CORO2B: variants seen among roughly 807,000 people sequenced by gnomAD.
The protein encoded by CORO2B is coronin 2B.
A neutral mutation model predicts 58.8 loss-of-function variants in CORO2B; 26 were observed. The observed-to-expected ratio is 0.44, with a 90% CI of 0.32 to 0.61. The LOEUF is 0.61. CORO2B is among the 20% of genes least tolerant of loss of function. CORO2B has a pLI of 0.04. For missense variants in CORO2B, 460 were observed against 645.1 expected (o/e 0.71, Z 3.11); for synonymous variants, 242 against 253.8 (o/e 0.95, Z 0.44).
intron 1 of CORO2B, among the ~76,000 whole-genome samples, 160 bp from the exon 2 acceptor site, chr15:68,645,000 T>C (rs1901375150): frequency 6.6e-6 from 1 of 152,078 alleles, no homozygotes; most frequent in African/African-American, 2.4e-5. Context: ...TGCCCTGAAT[T>C]CTTGGATGCT....
At chr15:68,655,800 G>A (rs534151153) in intron 2 of CORO2B, among the ~76,000 whole-genome samples, 1 of 152,338 alleles carries the variant, frequency 6.6e-6, no homozygotes, top group East Asian at 1.9e-4. Flanking sequence ...CCCCTCAACA[G>A]GAGGCCAGGT....
At chr15:68,713,898 C>T (rs922083476) in intron 5 of CORO2B, 27 bp from the exon 6 acceptor site, 1 of 1,557,032 alleles carries the variant, frequency 6.4e-7, no homozygotes, top group Non-Finnish European at 8.9e-7. Context: ...GGGACCCTGG[C>T]TCACCACCTC....
Position 68,670,047 on chromosome 15 carries a change from ACT to A in CORO2B, c.216+24690_216+24691del, listed in dbSNP as rs367990570. On this transcript the variant is annotated intron_variant, in intron 2 of 11. Coordinates refer to ENST00000261861, the MANE Select transcript of CORO2B (RefSeq NM_006091.5). ...ACTCTAGCCTGGGTGACAGAGCAAG[ACT>A]CTGTCTCAGAAAAAAAAAAGGGGGG... Among the ~76,000 whole-genome samples the A allele has an allele frequency of 5.6e-3, 805 of 145,008 alleles. 3 individuals carry two copies. Among genetic ancestry groups the A allele is most frequent in the African/African-American group, 0.019 (765 of 39,538 alleles).
intron 2 of CORO2B, among the ~76,000 whole-genome samples, chr15:68,688,229 A>G (rs1270220475): frequency 6.6e-6 from 1 of 152,204 alleles, no homozygotes; most frequent in African/African-American, 2.4e-5. Context: ...ACAATTTTAT[A>G]TGTTTGTTAG....
chr15:68,611,132 A>G (rs1900239125), intron 1 of CORO2B, among the ~76,000 whole-genome samples: 2 of 152,346 alleles, frequency 1.3e-5, no homozygotes, highest in Admixed American at 1.3e-4. Flanking sequence ...AGTTCTCTAT[A>G]TGTACACGCA....
chr15:68,640,095 G>C (rs1901161578), intron 1 of CORO2B, among the ~76,000 whole-genome samples: 1 of 152,162 alleles, frequency 6.6e-6, no homozygotes, highest in Non-Finnish European at 1.5e-5. Context: ...CCATGCATCT[G>C]ACCTCACAGT....
At chr15:68,712,922 G>GGGGCC (rs1892953695) in intron 5 of CORO2B, among the ~76,000 whole-genome samples, 1 of 152,206 alleles carries the variant, frequency 6.6e-6, no homozygotes. Context: ...ATGGGGCCAT[G>GGGGCC]AGCCCAGGGA....
chr15:68,691,111 C>T (rs1258327095), intron 2 of CORO2B, among the ~76,000 whole-genome samples: 8 of 151,104 alleles, frequency 5.3e-5, no homozygotes, highest in South Asian at 2.1e-4. Context: ...GGGTGGATCA[C>T]GAGGTCAGGA....
chr15:68,616,698 T>TA, intron 1 of CORO2B: 1 of 872,722 alleles, frequency 1.1e-6, no homozygotes, highest in Non-Finnish European at 1.4e-6. Flanking sequence ...GGGCGAGGGC[T>TA]AGCGTTATCA....
intron 3 of CORO2B, among the ~76,000 whole-genome samples, chr15:68,699,343 C>T (rs867597195): frequency 6.6e-6 from 1 of 152,248 alleles, no homozygotes; most frequent in Middle Eastern, 3.4e-3. Flanking sequence ...CTACACGCTC[C>T]AGGGAACCAA....
chr15:68,658,499 G>A (rs1901903766), intron 2 of CORO2B, among the ~76,000 whole-genome samples: 1 of 152,262 alleles, frequency 6.6e-6, no homozygotes, highest in South Asian at 2.1e-4. Context: ...ATGCAGGGAA[G>A]AGTCTGGTTG....
chr15:68,688,897 C>A (rs1892288445), intron 2 of CORO2B, among the ~76,000 whole-genome samples: 2 of 152,180 alleles, frequency 1.3e-5, no homozygotes, highest in South Asian at 4.1e-4. Flanking sequence ...CTACTTCACA[C>A]TCCCACTCAT....
In CORO2B at chr15:68,649,069, A is replaced by G. The variant is rs62002137; in HGVS notation, c.216+3709A>G. On this transcript the variant is annotated intron_variant, in intron 2 of 11. Coordinates refer to ENST00000261861, the MANE Select transcript of CORO2B (RefSeq NM_006091.5). Reference sequence around the variant, plus strand: ...AAACGTTTCTAAACGCTTCCTCTCAATTTCTGTAATGGTAACAAAATGTTT... The same window carrying G: ...AAACGTTTCTAAACGCTTCCTCTCAGTTTCTGTAATGGTAACAAAATGTTT... Among the ~76,000 whole-genome samples the G allele has an allele frequency of 2.0e-3, 302 of 152,316 alleles. 1 individual carries two copies. Among genetic ancestry groups the G allele is most frequent in the Middle Eastern group, 0.01 (3 of 294 alleles).
At chr15:68,592,472 C>T (rs1002366704) in intron 1 of CORO2B, among the ~76,000 whole-genome samples, 1 of 152,080 alleles carries the variant, frequency 6.6e-6, no homozygotes, top group Admixed American at 6.5e-5. Flanking sequence ...AGAGAAACTT[C>T]TGGAGTGATG....
At chr15:68,575,931 G>A (rs996047431), upstream of CORO2B, among the ~76,000 whole-genome samples, 3 of 151,502 alleles carry the variant, frequency 2.0e-5, no homozygotes, top group Admixed American at 6.6e-5. Flanking sequence ...GAGGCGGGCA[G>A]GTCACAAGGT....
At chr15:68,599,468 C>T (rs546110176) in intron 1 of CORO2B, among the ~76,000 whole-genome samples, 2 of 152,328 alleles carry the variant, frequency 1.3e-5, no homozygotes, top group Admixed American at 6.5e-5. Flanking sequence ...TCTGTGCATG[C>T]GTCATAGCTT....
chr15:68,572,581 G>A, the CORO2B span, among the ~76,000 whole-genome samples: 854 of 152,252 alleles, frequency 5.6e-3, 7 homozygotes, highest in African/African-American at 0.019. Context: ...CAGAAGGGGT[G>A]TCAGAATACC....
chr15:68,627,045 G>C (rs971093055), intron 1 of CORO2B, among the ~76,000 whole-genome samples: 4 of 152,164 alleles, frequency 2.6e-5, no homozygotes, highest in African/African-American at 9.7e-5. Context: ...TCCTTAGCAA[G>C]GTACTTACCT....
At chr15:68,550,177 C>T in the CORO2B span, among the ~76,000 whole-genome samples, 1 of 151,980 alleles carries the variant, frequency 6.6e-6, no homozygotes, top group Non-Finnish European at 1.5e-5. Flanking sequence ...AACCCGCTTG[C>T]CTGGGGCGAA....
Sources: allele counts gnomAD v4.1 joint callset (sites outside exome capture counted in the v4.1 genomes callset), GRCh38; gene constraint gnomAD v4.1.1; transcripts MANE v1.5; gene names NCBI Gene and HGNC (gene_info 2026-07-23, HGNC 2026-07-21).